The following SLC19A3 variants were observed in gnomAD, a reference collection of about 807,000 sequenced individuals.
SLC19A3 encodes the protein thiamine transporter 2.
SLC19A3 carries 31 observed loss-of-function variants against 40.2 expected under a neutral mutation model. The observed-to-expected ratio is 0.77, with a 90% CI of 0.58 to 1.04. The LOEUF is 1.04. Ranked by LOEUF, SLC19A3 falls within the 50% of genes least tolerant of loss-of-function variation. The pLI is 0.00. For missense variants in SLC19A3, 592 were observed against 596.7 expected (o/e 0.99, Z 0.08); for synonymous variants, 212 against 227.5 (o/e 0.93, Z 0.61).
chr2:227,693,943 C>T (rs1443139127), intron 4 of SLC19A3, among the ~76,000 whole-genome samples: 1 of 152,092 alleles, frequency 6.6e-6, no homozygotes, highest in South Asian at 2.1e-4. Flanking sequence ...TAAAGGCATG[C>T]GAATGGCAAA....
chr2:227,708,813 A>C (rs533039442), intron 1 of SLC19A3, among the ~76,000 whole-genome samples: 1 of 152,282 alleles, frequency 6.6e-6, no homozygotes, highest in Admixed American at 6.5e-5. Context: ...TGGGAAACAA[A>C]AAAAAATTAC....
intron 1 of SLC19A3, among the ~76,000 whole-genome samples, chr2:227,717,096 A>C (rs1319929530): frequency 7.2e-6 from 1 of 139,308 alleles, no homozygotes; most frequent in Non-Finnish European, 1.5e-5. Context: ...TTCGCCTCCC[A>C]AGTTCAAGCC....
intron 1 of SLC19A3, chr2:227,702,755 T>C: frequency 5.3e-6 from 1 of 189,568 alleles, no homozygotes; most frequent in East Asian, 1.4e-4. Context: ...GAAAACATCT[T>C]GCTATCTCAT....
At chr2:227,711,979 G>A (rs1289958309) in intron 1 of SLC19A3, among the ~76,000 whole-genome samples, 2 of 148,490 alleles carry the variant, frequency 1.3e-5, no homozygotes, top group Non-Finnish European at 3.0e-5. Flanking sequence ...GAACCCAGGA[G>A]GTGGAGGTTG....
rs1275760674 is a variant in SLC19A3 at position 227,702,204 on chromosome 2, A to C, written c.115T>G (p.Leu39Val). Residue 39 changes from leucine to valine, a missense_variant, in exon 2 of 6, where the codon TTA (leucine) becomes GTA (valine). Coordinates refer to ENST00000644224, the MANE Select transcript of SLC19A3 (RefSeq NM_025243.4). ...GTCAGGTTTTTATCTGGTCCAGATA[A>C]ATATGGGATAAGGAATGGTTCTGAG... ...RPSEPFLIPY[L>V]SGPDKNLTSA... 2.5e-6 allele frequency: 4 copies of C among 1,613,964 alleles called. No individual in the cohort carries two copies. The highest frequency in any genetic ancestry group is 1.7e-5 in the Admixed American group (1 of 60,010).
chr2:227,710,407 A>G (rs1400125785), intron 1 of SLC19A3, among the ~76,000 whole-genome samples: 1 of 152,186 alleles, frequency 6.6e-6, no homozygotes, highest in Non-Finnish European at 1.5e-5. Context: ...ACAAAAATAC[A>G]AAATAAGGCT....
At chr2:227,709,814 C>A (rs1214489885) in intron 1 of SLC19A3, among the ~76,000 whole-genome samples, 1 of 152,068 alleles carries the variant, frequency 6.6e-6, no homozygotes, top group Non-Finnish European at 1.5e-5. Flanking sequence ...GTTGTACTGA[C>A]AATACTGCCA....
intron 1 of SLC19A3, chr2:227,706,835 C>G (rs1472579162): frequency 6.6e-6 from 1 of 152,368 alleles, no homozygotes; most frequent in African/African-American, 2.4e-5. Flanking sequence ...CGATTTGAAA[C>G]ATGCAGTGAA....
rs1238887406 is a variant in SLC19A3 at position 227,686,484 on chromosome 2, A to G, written c.*913T>C. Reference sequence around the variant, plus strand: ...CAGGCACACACCACGCTGCCCAGCTAATTTTTTAATTTTTTAGTAGAGTCA... The same window carrying G: ...CAGGCACACACCACGCTGCCCAGCTGATTTTTTAATTTTTTAGTAGAGTCA... On this transcript the variant is annotated 3_prime_UTR_variant, in exon 6 of 6. Coordinates refer to ENST00000644224, the MANE Select transcript of SLC19A3 (RefSeq NM_025243.4). 6.6e-6 allele frequency: 1 copy of G among 152,564 alleles called. No homozygotes were observed. The highest frequency in any genetic ancestry group is 1.5e-5 in the Non-Finnish European group (1 of 68,424). 9.5% of individuals were successfully genotyped at this position (152,564 alleles called of 1,614,324 possible).
chr2:227,691,990 C>T (rs2106322172), intron 4 of SLC19A3, among the ~76,000 whole-genome samples: 1 of 151,194 alleles, frequency 6.6e-6, no homozygotes, highest in South Asian at 2.1e-4. Flanking sequence ...TGGATAAATT[C>T]CTATATACAA....
rs3811513 is a variant in SLC19A3 at position 227,701,880 on chromosome 2, T to C, written c.150+289A>G. 3.6e-3 allele frequency: 1,294 copies of C among 356,584 alleles called. 40 individuals are homozygous for C. The East Asian group carries it at 0.069, about 19-fold the overall frequency. The allele number at this position is 356,584 out of a possible 1,614,324, so 22.1% of individuals were successfully genotyped here. A position where few individuals can be genotyped will look rare whatever the true frequency, so the allele number is the denominator to read the frequency against. ...GCCAGTGATGCTATTTTAGGATTAG[T>C]ATAATAGAATCAACGGAGACCTGAA... On this transcript the variant is annotated intron_variant, in intron 2 of 5. Transcript: ENST00000644224.
At chr2:227,716,494 C>T (rs188506472) in intron 1 of SLC19A3, among the ~76,000 whole-genome samples, 27 of 152,246 alleles carry the variant, frequency 1.8e-4, no homozygotes, top group African/African-American at 6.0e-4. Flanking sequence ...TCCAGACCCA[C>T]CAAAAGGAAC....
chr2:227,687,611 G>A, intron 5 of SLC19A3, 38 bp from the exon 6 acceptor site: 1 of 1,596,300 alleles, frequency 6.3e-7, no homozygotes, highest in Non-Finnish European at 8.6e-7. Flanking sequence ...TATAAAATAT[G>A]ACCATCTATG....
At chr2:227,695,248 C>A (rs1401770632) in intron 4 of SLC19A3, among the ~76,000 whole-genome samples, 1 of 152,090 alleles carries the variant, frequency 6.6e-6, no homozygotes, top group Non-Finnish European at 1.5e-5. Context: ...TAAACCTAAC[C>A]ATTTGAAAGC....
chr2:227,699,384 A>G lies in SLC19A3; in HGVS notation c.331T>C (p.Phe111Leu). Residue 111 changes from phenylalanine (F) to leucine (L), a missense_variant, in exon 3 of 6, where the codon TTC becomes CTC. Physicochemically the swap from Phe to Leu is conservative, Grantham distance 22. Transcript: ENST00000644224. ...QGVKTMQVVE[F>L]FYGMVTAAEV... ...GCGGCGGTGACCATCCCATAGAAGA[A>G]CTCTACAACCTGCATGGTCTTCACT... The G allele has an allele frequency of 6.2e-7, 1 of 1,613,878 alleles. No individual in the cohort carries two copies. The highest frequency in any genetic ancestry group is 8.5e-7 in the Non-Finnish European group (1 of 1,179,990).
Position 227,699,366 on chromosome 2 carries a change from T to C in SLC19A3, c.349A>G (p.Thr117Ala), listed in dbSNP as rs755184234. Reference sequence around the variant, plus strand: ...GCGTAGTAGGCCACCTCGGCGGCGGTGACCATCCCATAGAAGAACTCTACA... The same window carrying C: ...GCGTAGTAGGCCACCTCGGCGGCGGCGACCATCCCATAGAAGAACTCTACA... ...QVVEFFYGMV[T>A]AAEVAYYAYI... Residue 117 changes from threonine to alanine, a missense_variant, in exon 3 of 6, where the codon ACC (threonine) becomes GCC (alanine). Thr to Ala is a moderately conservative substitution (Grantham distance 58, BLOSUM62 0). Coordinates refer to ENST00000644224, the MANE Select transcript of SLC19A3 (RefSeq NM_025243.4). The C allele has an allele frequency of 4.3e-6, 7 of 1,614,168 alleles. No individual in the cohort carries two copies. Among genetic ancestry groups the C allele is most frequent in the Non-Finnish European group, 5.9e-6 (7 of 1,180,040 alleles).
chr2:227,716,124 T>C lies in SLC19A3; in HGVS notation c.-3+1819A>G, dbSNP rs189463750. 7.2e-5 allele frequency among the ~76,000 whole-genome samples: 11 copies of C among 152,280 alleles called. No individual in the cohort carries two copies. The East Asian group carries it at 9.6e-4, about 13-fold the overall frequency. On this transcript the variant is annotated intron_variant, in intron 1 of 5. Transcript: ENST00000644224. ...GATTAAAGAAAAATTAGAGGTCATT[T>C]GAGCTATTTTACAACTCTGTAAATT...
At position 227,702,226 on chromosome 2, in the gene SLC19A3, TGAGGGTCTCATCATG is replaced by T; in HGVS notation, c.78_92del (p.Met27_Ser31del). On this transcript the variant is annotated inframe_deletion, in exon 2 of 6. Coordinates refer to ENST00000644224, the MANE Select transcript of SLC19A3 (RefSeq NM_025243.4). ...ATAAATATGGGATAAGGAATGGTTCTGAGGGTCTCATCATGGAGAAAAAACCAAATAAGCAGAGGA... is the reference window on the plus strand; with the variant it reads ...ATAAATATGGGATAAGGAATGGTTCTGAGAAAAAACCAAATAAGCAGAGGA... The T allele has an allele frequency of 6.2e-7, 1 of 1,613,988 alleles. No homozygotes were observed. The highest frequency in any genetic ancestry group is 2.2e-5 in the East Asian group (1 of 44,874).
chr2:227,711,359 G>A (rs1370361906), intron 1 of SLC19A3, among the ~76,000 whole-genome samples: 2 of 151,696 alleles, frequency 1.3e-5, no homozygotes, highest in African/African-American at 4.8e-5. Context: ...GGTGGAGGCT[G>A]CAGTAAGCCA....
Sources: allele counts gnomAD v4.1 joint callset (sites outside exome capture counted in the v4.1 genomes callset), GRCh38; gene constraint gnomAD v4.1.1; transcripts MANE v1.5; gene names NCBI Gene and HGNC (gene_info 2026-07-23, HGNC 2026-07-21).